ZNF708: variants seen among roughly 807,000 people sequenced by gnomAD.
ZNF708 encodes zinc finger protein 708.
A neutral mutation model predicts 47.0 loss-of-function variants in ZNF708; 44 were observed. The observed-to-expected ratio is 0.94, with a 90% CI of 0.74 to 1.20. The LOEUF is 1.20. ZNF708 is among the 50% of genes most tolerant of loss of function. The pLI, the probability that ZNF708 is intolerant of heterozygous loss-of-function variation, is 0.00. For missense variants in ZNF708, 557 were observed against 656.0 expected, an observed-to-expected ratio of 0.85 and a Z score of 1.65; for synonymous variants, 184 against 218.5, an observed-to-expected ratio of 0.84 and a Z score of 1.39.
At chr19:21,320,339 T>C (rs1436275268) in intron 1 of ZNF708, among the ~76,000 whole-genome samples, 3 of 152,128 alleles carry the variant, frequency 2.0e-5, no homozygotes, top group Non-Finnish European at 2.9e-5. Flanking sequence ...CTATTCACAA[T>C]AGCAAAGACA....
intron 1 of ZNF708, among the ~76,000 whole-genome samples, chr19:21,315,191 C>T (rs1972977783): frequency 2.6e-5 from 4 of 152,244 alleles, no homozygotes; most frequent in Middle Eastern, 3.4e-3. Context: ...GAGCCTCTCA[C>T]GTAACTGTGG....
intron 1 of ZNF708, among the ~76,000 whole-genome samples, chr19:21,313,757 C>CAA (rs71176848): frequency 4.0e-4 from 44 of 109,790 alleles, no homozygotes; most frequent in Non-Finnish European, 6.7e-4. Context: ...GACTATGTCT[C>CAA]AAAAAAAAAA....
rs765908698 is a variant in ZNF708 at position 21,293,869 on chromosome 19, C to T, written c.1097G>A (p.Cys366Tyr). Residue 366 changes from cysteine (C) to tyrosine (Y), a missense_variant, in exon 4 of 4, where the codon TGT (cysteine) becomes TAT (tyrosine). Coordinates refer to ENST00000356929, the MANE Select transcript of ZNF708 (RefSeq NM_021269.3). ...GTTAAAAGCTTTGCCACATTCTTCA[C>T]ATTTGTAGGGTTTCTCTTCAGTATG... ...IIHTEEKPYK[C>Y]EECGKAFNRS... The T allele has an allele frequency of 9.9e-6, 16 of 1,613,174 alleles. No individual in the cohort carries two copies. Among genetic ancestry groups the T allele is most frequent in the Non-Finnish European group, 3.4e-6 (4 of 1,179,806 alleles).
At chr19:21,321,468 A>T (rs1339249666) in intron 1 of ZNF708, among the ~76,000 whole-genome samples, 1 of 151,894 alleles carries the variant, frequency 6.6e-6, no homozygotes, top group Non-Finnish European at 1.5e-5. Flanking sequence ...CACAGCTCTA[A>T]TCCCAGCCAC....
intron 3 of ZNF708, among the ~76,000 whole-genome samples, chr19:21,302,125 A>AT (rs1307885620): frequency 6.6e-6 from 1 of 152,084 alleles, no homozygotes; most frequent in Non-Finnish European, 1.5e-5. Flanking sequence ...AAATGAGTCC[A>AT]TTTTTTTGAA....
chr19:21,325,970 C>A (rs548995324), intron 1 of ZNF708, among the ~76,000 whole-genome samples: 1 of 152,276 alleles, frequency 6.6e-6, no homozygotes, highest in South Asian at 2.1e-4. Flanking sequence ...AAATCCTCAA[C>A]ATCACTAATG....
At chr19:21,307,012 A>ACATAACATAAAACAT (rs1555721662) in intron 3 of ZNF708, 1 of 144,016 alleles carries the variant, frequency 6.9e-6, no homozygotes, top group Non-Finnish European at 1.5e-5. Flanking sequence ...ACATAACATA[A>ACATAACATAAAACAT]AACATAACAT....
chr19:21,322,904 A>G (rs946310273), intron 1 of ZNF708, among the ~76,000 whole-genome samples: 1 of 152,202 alleles, frequency 6.6e-6, no homozygotes, highest in Non-Finnish European at 1.5e-5. Flanking sequence ...GCCAGGCACA[A>G]ACTCCATGGG....
chr19:21,299,366 A>C (rs139221580), intron 3 of ZNF708, among the ~76,000 whole-genome samples: 15 of 152,258 alleles, frequency 9.9e-5, no homozygotes, highest in South Asian at 4.1e-4. Flanking sequence ...CACACACACA[A>C]AAAAACAGAT....
chr19:21,305,064 G>A (rs554402924), intron 3 of ZNF708, among the ~76,000 whole-genome samples: 2 of 151,888 alleles, frequency 1.3e-5, no homozygotes, highest in South Asian at 4.2e-4. Flanking sequence ...AGGCTGGAGT[G>A]CAATAGTGTG....
chr19:21,309,023 T>C (rs1972844009), intron 3 of ZNF708, among the ~76,000 whole-genome samples: 2 of 152,212 alleles, frequency 1.3e-5, no homozygotes, highest in South Asian at 2.1e-4. Context: ...AAGAGGACTT[T>C]AGCTCACTGT....
At chr19:21,329,173 C>G (rs2968051) in intron 1 of ZNF708, 37 bp downstream of exon 1, 7 of 1,611,466 alleles carry the variant, frequency 4.3e-6, no homozygotes, top group Non-Finnish European at 5.9e-6. Context: ...TTCAACCAGC[C>G]CTTCCCCTCT....
intron 3 of ZNF708, among the ~76,000 whole-genome samples, chr19:21,305,260 C>G (rs1465090649): frequency 6.6e-6 from 1 of 151,858 alleles, no homozygotes; most frequent in African/African-American, 2.4e-5. Flanking sequence ...TCGCTCACCT[C>G]AGCCTCCCAA....
intron 3 of ZNF708, among the ~76,000 whole-genome samples, chr19:21,301,969 A>T (rs527374839): frequency 6.6e-6 from 1 of 152,326 alleles, no homozygotes; most frequent in Admixed American, 6.5e-5. Flanking sequence ...TATGAAAAGT[A>T]CTACATGGTG....
intron 3 of ZNF708, among the ~76,000 whole-genome samples, chr19:21,295,640 G>A (rs971272489): frequency 1.3e-5 from 2 of 152,116 alleles, no homozygotes; most frequent in Admixed American, 1.3e-4. Flanking sequence ...AGCTACTCGG[G>A]AGGCTGAGGC....
intron 1 of ZNF708, among the ~76,000 whole-genome samples, chr19:21,310,992 A>G (rs1972888402): frequency 6.6e-6 from 1 of 152,210 alleles, no homozygotes; most frequent in Non-Finnish European, 1.5e-5. Context: ...AGTGCTTCTC[A>G]AATTTTAGTC....
chr19:21,297,256 ATATATATATATATAT>A (rs1217883116), intron 3 of ZNF708, among the ~76,000 whole-genome samples: 8 of 14,126 alleles, frequency 5.7e-4, no homozygotes, highest in African/African-American at 1.7e-3. Context: ...ATATATATAT[ATATATATATATATAT>A]TTTTTTTTTT....
In ZNF708 at chr19:21,293,165, G is replaced by C; in HGVS notation, c.*109C>G. 2 of 1,281,968 alleles carry C rather than the reference G, an allele frequency of 1.6e-6. No homozygotes were observed. The highest frequency in any genetic ancestry group is 1.5e-5 in the African/African-American group (1 of 67,338). 79.4% of individuals were successfully genotyped at this position (1,281,968 alleles called of 1,614,324 possible). ...TTATCTTTTGTTTCATAAGGATTAA[G>C]AGCCAGTTAAAGGCTTTGCCACATT... On this transcript the variant is annotated 3_prime_UTR_variant, in exon 4 of 4. Coordinates refer to ENST00000356929, the MANE Select transcript of ZNF708 (RefSeq NM_021269.3).
At chr19:21,295,617 T>A (rs1972512726) in intron 3 of ZNF708, among the ~76,000 whole-genome samples, 1 of 152,066 alleles carries the variant, frequency 6.6e-6, no homozygotes, top group Admixed American at 6.6e-5. Flanking sequence ...TGGTGGCACA[T>A]GCCTGTAATC....
Sources: gnomAD v4.1 joint callset for allele counts (sites outside exome capture counted in the v4.1 genomes callset) on GRCh38, gnomAD v4.1.1 for gene constraint, MANE v1.5 for transcripts, NCBI Gene and HGNC (gene_info 2026-07-23, HGNC 2026-07-21) for gene names.